SYCP1: variants seen among roughly 807,000 people sequenced by gnomAD.
SYCP1 encodes the protein synaptonemal complex protein 1.
In SYCP1, 64 loss-of-function variants were observed where a neutral mutation model predicts 153.1. The observed-to-expected ratio is 0.42, with a 90% CI of 0.34 to 0.51. SYCP1 has a LOEUF of 0.51. Ranked by LOEUF, SYCP1 falls within the 20% of genes least tolerant of loss-of-function variation. The pLI is 0.06. For synonymous variants in SYCP1, 384 were observed against 341.8 expected (o/e 1.12, Z -1.36); for missense variants, 997 against 1,049.0 (o/e 0.95, Z 0.68).
At chr1:114,931,844 A>G (rs551753226) in intron 23 of SYCP1, among the ~76,000 whole-genome samples, 2 of 152,254 alleles carry the variant, frequency 1.3e-5, no homozygotes, top group Non-Finnish European at 2.9e-5. Flanking sequence ...TAAGACAATG[A>G]GGTATTATTT....
At chr1:114,888,777 C>A (rs1666489471) in intron 15 of SYCP1, among the ~76,000 whole-genome samples, 1 of 151,978 alleles carries the variant, frequency 6.6e-6, no homozygotes, top group Non-Finnish European at 1.5e-5. Context: ...TATAGGTATA[C>A]ATGTGCCACA....
At chr1:114,881,543 T>TTCCTTCCTTCCTCCCTTCCTTCCTTC (rs1383711421) in intron 12 of SYCP1, among the ~76,000 whole-genome samples, 1 of 123,206 alleles carries the variant, frequency 8.1e-6, no homozygotes, top group African/African-American at 3.2e-5. Flanking sequence ...TTCCTTCCTT[T>TTCCTTCCTTCCTCCCTTCCTTCCTTC]CTTGATGGAG....
intron 23 of SYCP1, among the ~76,000 whole-genome samples, chr1:114,935,439 C>T (rs1669930799): frequency 6.6e-6 from 1 of 152,064 alleles, no homozygotes; most frequent in African/African-American, 2.4e-5. Context: ...CACTAAATGC[C>T]CACAAAAGAA....
chr1:114,855,690 ACCCAAGAATT>A, intron 2 of SYCP1, 118 bp downstream of exon 2: 3 of 784,486 alleles, frequency 3.8e-6, no homozygotes, highest in Non-Finnish European at 4.0e-6. Flanking sequence ...GGTCTCATTT[ACCCAAGAATT>A]TTGAATCCCA....
At chr1:114,967,858 C>T (rs1672235408) in intron 27 of SYCP1, among the ~76,000 whole-genome samples, 1 of 152,138 alleles carries the variant, frequency 6.6e-6, no homozygotes, top group Non-Finnish European at 1.5e-5. Flanking sequence ...CCTTCAGGAG[C>T]TCTTGTAAGG....
chr1:114,940,933 C>A (rs1448176093), intron 23 of SYCP1, among the ~76,000 whole-genome samples: 1 of 151,936 alleles, frequency 6.6e-6, no homozygotes, highest in Non-Finnish European at 1.5e-5. Context: ...GTTCTGTTAA[C>A]TTGTCTTTAT....
intron 23 of SYCP1, among the ~76,000 whole-genome samples, chr1:114,929,539 T>C (rs1669489664): frequency 6.6e-6 from 1 of 151,958 alleles, no homozygotes; most frequent in East Asian, 1.9e-4. Context: ...ATAGTAAGCA[T>C]AAGAAAGTGG....
intron 23 of SYCP1, among the ~76,000 whole-genome samples, chr1:114,941,066 C>A (rs1313663366): frequency 6.6e-6 from 1 of 151,950 alleles, no homozygotes; most frequent in Non-Finnish European, 1.5e-5. Context: ...TTCCAGAACC[C>A]CCCAGGAATA....
In SYCP1 at chr1:114,964,493, T is replaced by A. The variant is rs1041005681; in HGVS notation, c.2323-13064T>A. Among the ~76,000 whole-genome samples, 148 of 152,090 alleles carry A rather than the reference T, an allele frequency of 9.7e-4. 1 individual carries two copies. The highest frequency in any genetic ancestry group is 2.6e-4 in the Non-Finnish European group (18 of 68,000). Reference sequence around the variant, plus strand: ...TATTGCCTAGGTTTTTTTTCTAGGGTTTTTAATGGGTTTAGGTCTTAAGTT... The same window carrying A: ...TATTGCCTAGGTTTTTTTTCTAGGGATTTTAATGGGTTTAGGTCTTAAGTT... On this transcript the variant is annotated intron_variant, in intron 27 of 31. Coordinates refer to ENST00000369522, the MANE Select transcript of SYCP1 (RefSeq NM_003176.4).
intron 23 of SYCP1, among the ~76,000 whole-genome samples, chr1:114,931,394 A>G (rs1352091343): frequency 1.3e-5 from 2 of 152,152 alleles, no homozygotes; most frequent in Non-Finnish European, 2.9e-5. Flanking sequence ...AAGTCACTGG[A>G]TACAAGGTCA....
intron 3 of SYCP1, 74 bp from the exon 4 acceptor site, chr1:114,857,158 G>GAGAAAAAAAAAAAAAAAAAAAAA: frequency 2.1e-6 from 1 of 474,180 alleles, no homozygotes; most frequent in Non-Finnish European, 3.1e-6. Context: ...AAAAAAAAAA[G>GAGAAAAAAAAAAAAAAAAAAAAA]AGAAAAAAGA....
intron 23 of SYCP1, among the ~76,000 whole-genome samples, chr1:114,934,409 G>A (rs1669846670): frequency 6.6e-6 from 1 of 152,000 alleles, no homozygotes; most frequent in Admixed American, 6.6e-5. Flanking sequence ...CATGAAGGAA[G>A]CACTAAACAT....
Position 114,944,798 on chromosome 1 carries a change from A to G in SYCP1, c.2044-74A>G. The G allele has an allele frequency of 2.8e-6, 3 of 1,069,526 alleles. No individual in the cohort carries two copies. In the Admixed American group the frequency reaches 8.2e-5, roughly 29 times the overall value. The allele number at this position is 1,069,526 out of a possible 1,614,324, so 66.3% of individuals were successfully genotyped here. A position where few individuals can be genotyped will look rare whatever the true frequency, so the allele number is the denominator to read the frequency against. ...TGAGGTTTGCTTTTATTTAAGTAGA[A>G]CATATACTTTTTACACTTGTTTGTT... is the stretch of plus-strand genomic sequence containing the variant. On this transcript the variant is annotated intron_variant, in intron 24 of 31. Coordinates refer to ENST00000369522, the MANE Select transcript of SYCP1 (RefSeq NM_003176.4).
At chr1:114,937,839 A>G (rs1182379806) in intron 23 of SYCP1, among the ~76,000 whole-genome samples, 1 of 152,212 alleles carries the variant, frequency 6.6e-6, no homozygotes, top group African/African-American at 2.4e-5. Flanking sequence ...AATCAAAACC[A>G]CAATGAGATA....
intron 8 of SYCP1, among the ~76,000 whole-genome samples, chr1:114,871,490 C>T (rs1665121228): frequency 6.6e-6 from 1 of 151,978 alleles, no homozygotes; most frequent in African/African-American, 2.4e-5. Flanking sequence ...TCTTTTGTAT[C>T]ATTGCTGTCA....
intron 15 of SYCP1, among the ~76,000 whole-genome samples, chr1:114,892,600 T>G (rs1000216449): frequency 6.6e-6 from 1 of 152,034 alleles, no homozygotes; most frequent in Non-Finnish European, 1.5e-5. Context: ...GCCCTTCTGC[T>G]GGGGTGACAT....
intron 27 of SYCP1, among the ~76,000 whole-genome samples, chr1:114,969,566 C>A (rs1248366411): frequency 2.0e-5 from 3 of 152,224 alleles, no homozygotes; most frequent in Non-Finnish European, 2.9e-5. Flanking sequence ...GCCAGTGGAT[C>A]TTAGCTTGTT....
chr1:114,892,643 C>A (rs1666795913), intron 15 of SYCP1, among the ~76,000 whole-genome samples: 2 of 152,090 alleles, frequency 1.3e-5, no homozygotes, highest in South Asian at 4.1e-4. Flanking sequence ...GCTTTGGCTC[C>A]AGCAGCAGCA....
At chr1:114,936,608 T>A (rs191827062) in intron 23 of SYCP1, among the ~76,000 whole-genome samples, 43 of 152,238 alleles carry the variant, frequency 2.8e-4, no homozygotes, top group Middle Eastern at 3.4e-3. Context: ...AGAGGAAGTC[T>A]AATTGTCCCT....
Sources: gnomAD v4.1 joint callset for allele counts (sites outside exome capture counted in the v4.1 genomes callset) on GRCh38, gnomAD v4.1.1 for gene constraint, MANE v1.5 for transcripts, NCBI Gene and HGNC (gene_info 2026-07-23, HGNC 2026-07-21) for gene names.